The following NFATC3 variants were observed in gnomAD, a reference collection of about 807,000 sequenced individuals.
NFATC3 encodes nuclear factor of activated T cells 3.
Under a neutral mutation model 98.6 loss-of-function variants are expected in NFATC3, and 46 were observed. That is an observed-to-expected ratio of 0.47 (90% confidence interval 0.37 to 0.60). The LOEUF (loss-of-function observed/expected upper bound fraction) is 0.60, where lower values mean the gene tolerates loss of function less well. Ranked by LOEUF, NFATC3 falls within the 20% of genes least tolerant of loss-of-function variation. The pLI is 0.00. For synonymous variants in NFATC3, 512 were observed against 472.2 expected, an observed-to-expected ratio of 1.08 and a Z score of -1.09; for missense variants, 1,256 against 1,295.5, an observed-to-expected ratio of 0.97 and a Z score of 0.47.
At chr16:68,210,526 G>T (rs1386825359) in intron 9 of NFATC3, among the ~76,000 whole-genome samples, 2 of 152,004 alleles carry the variant, frequency 1.3e-5, no homozygotes, top group Non-Finnish European at 2.9e-5. Flanking sequence ...AGATGATCAT[G>T]TGGTTTTTAA....
At chr16:68,163,457 C>T (rs2039002173) in intron 4 of NFATC3, among the ~76,000 whole-genome samples, 1 of 151,510 alleles carries the variant, frequency 6.6e-6, no homozygotes, top group Non-Finnish European at 1.5e-5. Context: ...AGAGGCGCCC[C>T]TCACCTCCCG....
intron 9 of NFATC3, among the ~76,000 whole-genome samples, chr16:68,206,913 A>T (rs1441890268): frequency 6.7e-6 from 1 of 148,822 alleles, no homozygotes; most frequent in Non-Finnish European, 1.5e-5. Context: ...AGCTTAGGAG[A>T]TGGAGGTTGC....
chr16:68,186,342 C>T (rs965732416), intron 8 of NFATC3, among the ~76,000 whole-genome samples: 1 of 152,004 alleles, frequency 6.6e-6, no homozygotes, highest in South Asian at 2.1e-4. Context: ...TCAAGATCAT[C>T]CTGGCTAACA....
intron 1 of NFATC3, among the ~76,000 whole-genome samples, chr16:68,093,935 C>T (rs2034868236): frequency 6.6e-6 from 1 of 151,656 alleles, no homozygotes; most frequent in Non-Finnish European, 1.5e-5. Context: ...TCATGTCTTA[C>T]AAATTACATG....
At chr16:68,100,644 A>G (rs1428485781) in intron 1 of NFATC3, among the ~76,000 whole-genome samples, 2 of 151,422 alleles carry the variant, frequency 1.3e-5, no homozygotes, top group Non-Finnish European at 2.9e-5. Context: ...CAGCAGGTGT[A>G]TGAGTTACTC....
intron 9 of NFATC3, among the ~76,000 whole-genome samples, chr16:68,223,721 C>A (rs954128552): frequency 2.6e-5 from 4 of 151,476 alleles, no homozygotes; most frequent in Admixed American, 2.6e-4. Context: ...ATGGTGAAAC[C>A]CTGTCTCTAC....
At chr16:68,192,225 AAAAAAATAT>A (rs1166322944) in intron 9 of NFATC3, 1 of 79,072 alleles carries the variant, frequency 1.3e-5, no homozygotes, top group African/African-American at 4.5e-5. Context: ...AAAAAAAAAA[AAAAAAATAT>A]ATATATATAT....
At chr16:68,179,271 T>C (rs1598517651) in intron 6 of NFATC3, among the ~76,000 whole-genome samples, 1 of 152,324 alleles carries the variant, frequency 6.6e-6, no homozygotes, top group Non-Finnish European at 1.5e-5. Flanking sequence ...TTATTAATTA[T>C]TGTACCCAAC....
chr16:68,121,681 A>T (rs1284510609), intron 1 of NFATC3, among the ~76,000 whole-genome samples: 1 of 151,992 alleles, frequency 6.6e-6, no homozygotes, highest in Non-Finnish European at 1.5e-5. Context: ...TCAAAAAAAA[A>T]AAAAAAAAAT....
rs141299221 is a variant in NFATC3 at position 68,191,515 on chromosome 16, C to T, written c.2846C>T (p.Pro949Leu). The change falls in exon 9 of 10, where the codon CCT becomes CTT. Residue 949 changes from proline (P) to leucine (L), a missense_variant. By Grantham distance (98) the Pro-to-Leu change is moderately conservative. Transcript: ENST00000346183. ...GGGCCACCATCTCCTCAGCTTCAGCCTATGCCTTACCAATCTCCTAGCTCA... is the reference window on the plus strand; with the variant it reads ...GGGCCACCATCTCCTCAGCTTCAGCTTATGCCTTACCAATCTCCTAGCTCA... ...LSGPPSPQLQ[P>L]MPYQSPSSGT... The T allele has an allele frequency of 6.2e-7, 1 of 1,614,044 alleles. No homozygotes were observed. The highest frequency in any genetic ancestry group is 1.3e-5 in the African/African-American group (1 of 74,916).
intron 9 of NFATC3, among the ~76,000 whole-genome samples, chr16:68,197,749 A>T (rs1172203297): frequency 6.6e-6 from 1 of 152,216 alleles, no homozygotes; most frequent in Non-Finnish European, 1.5e-5. Context: ...ACGGTAATTT[A>T]AAAAAATTTT....
intron 9 of NFATC3, among the ~76,000 whole-genome samples, chr16:68,224,052 C>G (rs1421151143): frequency 1.3e-5 from 2 of 150,264 alleles, no homozygotes; most frequent in Non-Finnish European, 2.9e-5. Context: ...CGAGACCGTC[C>G]TGGCTAACAT....
At chr16:68,138,090 A>C (rs1182819310) in intron 3 of NFATC3, among the ~76,000 whole-genome samples, 2 of 151,938 alleles carry the variant, frequency 1.3e-5, no homozygotes, top group South Asian at 4.2e-4. Flanking sequence ...GCTAGAGTGC[A>C]GTGGCCCACA....
intron 1 of NFATC3, among the ~76,000 whole-genome samples, chr16:68,095,347 ATT>A (rs35343240): frequency 1.3e-4 from 13 of 103,802 alleles, no homozygotes; most frequent in Admixed American, 4.1e-4. Flanking sequence ...TGCCCAGCTA[ATT>A]TTTTTTTTTT....
chr16:68,122,314 C>T lies in NFATC3; in HGVS notation c.431C>T (p.Pro144Leu). 1.2e-6 allele frequency: 2 copies of T among 1,614,098 alleles called. No individual in the cohort carries two copies. The highest frequency in any genetic ancestry group is 4.5e-5 in the East Asian group (2 of 44,872). The change falls in exon 2 of 10, where the codon CCT becomes CTT. Residue 144 changes from proline to leucine, a missense_variant. Pro to Leu is a moderately conservative substitution (Grantham distance 98). This residue lies in a region of NFATC3 where 464 missense variants were observed against 465.7 expected (regional missense o/e 1.00). Coordinates refer to ENST00000346183, the MANE Select transcript of NFATC3 (RefSeq NM_173165.3). Reference protein sequence around the residue: ...NDPEREFLERPSRDHLYLPLE... With the variant: ...NDPEREFLERLSRDHLYLPLE... ...CCAGAACGGGAATTTTTGGAAAGGC[C>T]TTCTAGAGATCATCTCTATCTTCCT...
At chr16:68,142,286 T>A (rs1440016433) in intron 3 of NFATC3, among the ~76,000 whole-genome samples, 1 of 152,230 alleles carries the variant, frequency 6.6e-6, no homozygotes, top group Non-Finnish European at 1.5e-5. Context: ...GTAAAGATCT[T>A]TTACCTCCTT....
chr16:68,183,448 G>T, intron 8 of NFATC3, 82 bp downstream of exon 8: 2 of 1,489,300 alleles, frequency 1.3e-6, no homozygotes, highest in South Asian at 2.4e-5. Context: ...ATATTACAGT[G>T]TTTAAGGTAG....
intron 9 of NFATC3, among the ~76,000 whole-genome samples, chr16:68,213,000 C>T (rs1372077474): frequency 6.9e-6 from 1 of 144,396 alleles, no homozygotes; most frequent in African/African-American, 2.6e-5. Flanking sequence ...AGGGTTTCAC[C>T]GTGTTAGCCA....
chr16:68,163,941 C>G (rs1440575738), intron 4 of NFATC3, among the ~76,000 whole-genome samples: 7 of 151,778 alleles, frequency 4.6e-5, no homozygotes, highest in Middle Eastern at 6.8e-3. Context: ...CAGAGGGGCT[C>G]TTCACGTCCC....
Sources: gnomAD v4.1 joint callset for allele counts (sites outside exome capture counted in the v4.1 genomes callset) on GRCh38, gnomAD v4.1.1 for gene constraint, gnomAD v4.1.1 regional missense constraint, MANE v1.5 for transcripts, NCBI Gene and HGNC (gene_info 2026-07-23, HGNC 2026-07-21) for gene names.